Variants in ZNF875 observed in about 807,000 individuals in gnomAD.
The protein encoded by ZNF875 is zinc finger protein 875, also known as HKR1, GLI-Kruppel zinc finger family member.
ZNF875 carries 14 observed loss-of-function variants against 11.2 expected under a neutral mutation model. The ratio of observed to expected loss-of-function variants is 1.26; its 90% CI spans 0.83 to 1.96. ZNF875 has a LOEUF of 1.96. ZNF875 is among the 30% of genes most tolerant of loss of function. ZNF875 has a pLI of 0.00. For synonymous variants in ZNF875, 301 were observed against 281.1 expected, an observed-to-expected ratio of 1.07 and a Z score of -0.71; for missense variants, 752 against 760.4, an observed-to-expected ratio of 0.99 and a Z score of 0.13.
chr19:37,336,464 T>C (rs1333631147), intron 2 of ZNF875, among the ~76,000 whole-genome samples: 1 of 151,062 alleles, frequency 6.6e-6, no homozygotes, highest in Non-Finnish European at 1.5e-5. Context: ...CATGCCAGGC[T>C]AATTTTTTGT....
At position 37,340,897 on chromosome 19, in the gene ZNF875, C is replaced by T. The variant is rs1568597877; in HGVS notation, c.33+5640C>T. On this transcript the variant is annotated intron_variant, in intron 2 of 4. Coordinates refer to ENST00000392153, the MANE Select transcript of ZNF875 (RefSeq NM_001353803.2). ...TCTCCTGACCTCATGATCTATCCAC[C>T]TCGGCCTCCCAAAGTCCTGGGATTA... 2.6e-5 allele frequency among the ~76,000 whole-genome samples: 4 copies of T among 152,100 alleles called. No individual in the cohort carries two copies. In the South Asian group the frequency reaches 6.2e-4, roughly 24 times the overall value.
At chr19:37,320,477 C>T (rs1475478871) in intron 1 of ZNF875, among the ~76,000 whole-genome samples, 1 of 152,222 alleles carries the variant, frequency 6.6e-6, no homozygotes, top group Non-Finnish European at 1.5e-5. Context: ...GTTAAAGTGG[C>T]TGTTACAGAC....
At chr19:37,338,036 T>A (rs1480633799) in intron 2 of ZNF875, among the ~76,000 whole-genome samples, 2 of 152,230 alleles carry the variant, frequency 1.3e-5, no homozygotes, top group Non-Finnish European at 2.9e-5. Context: ...CTAAAATAGT[T>A]AATTCATTTG....
At chr19:37,343,386 CCAAA>C (rs1194691838) in intron 2 of ZNF875, among the ~76,000 whole-genome samples, 2 of 139,964 alleles carry the variant, frequency 1.4e-5, no homozygotes, top group Non-Finnish European at 3.1e-5. Context: ...AAAAAAAAAA[CCAAA>C]CAAACTTAGC....
At chr19:37,342,569 C>T (rs1294711996) in intron 2 of ZNF875, among the ~76,000 whole-genome samples, 2 of 152,092 alleles carry the variant, frequency 1.3e-5, no homozygotes, top group East Asian at 3.9e-4. Context: ...TGCGCCACCA[C>T]ACCTGGGTAA....
At chr19:37,334,424 GCAGATCTCATTGGTTTA>G (rs1457115357), upstream of ZNF875, among the ~76,000 whole-genome samples, 3 of 152,352 alleles carry the variant, frequency 2.0e-5, no homozygotes, top group East Asian at 5.8e-4. Flanking sequence ...TTCGCGGTCA[GCAGATCTCATTGGTTTA>G]CAGAGAAACT....
At chr19:37,332,921 G>C (rs1314792840), upstream of ZNF875, among the ~76,000 whole-genome samples, 2 of 152,154 alleles carry the variant, frequency 1.3e-5, no homozygotes, top group African/African-American at 4.8e-5. Context: ...GGGTAACTCA[G>C]GTGAGAGTGT....
intron 4 of ZNF875, among the ~76,000 whole-genome samples, chr19:37,325,376 C>G (rs1178818756): frequency 6.6e-6 from 1 of 152,050 alleles, no homozygotes; most frequent in East Asian, 1.9e-4. Flanking sequence ...CAGTGCTTTC[C>G]AATAGAAATA....
At chr19:37,321,585 T>C (rs944500160) in intron 1 of ZNF875, among the ~76,000 whole-genome samples, 9 of 152,072 alleles carry the variant, frequency 5.9e-5, no homozygotes, top group African/African-American at 2.2e-4. Context: ...CACTTTTCTT[T>C]CTCTATACTT....
In ZNF875 at chr19:37,363,768, C is replaced by T; in HGVS notation, c.1916C>T (p.Ser639Leu). The change falls in exon 5 of 5, where the codon TCA becomes TTA. Residue 639 changes from serine (S) to leucine (L), a missense_variant. By Grantham distance (145) the Ser-to-Leu change is moderately radical (BLOSUM62 -2). Transcript: ENST00000392153. ...SNLIRHQRTH[S>L]G Reference sequence around the variant, plus strand: ...CTTATCAGACATCAGAGGACACACTCAGGATAGAAACTTTATGTGTATAGG... The same window carrying T: ...CTTATCAGACATCAGAGGACACACTTAGGATAGAAACTTTATGTGTATAGG... The T allele has an allele frequency of 6.2e-7, 1 of 1,613,480 alleles. No homozygotes were observed. The highest frequency in any genetic ancestry group is 8.5e-7 in the Non-Finnish European group (1 of 1,179,548).
chr19:37,350,756 C>T (rs1464147585), intron 4 of ZNF875, among the ~76,000 whole-genome samples: 1 of 150,578 alleles, frequency 6.6e-6, no homozygotes, highest in Admixed American at 6.6e-5. Context: ...ATCTTAACCC[C>T]TGGCAACTAC....
At chr19:37,318,355 T>TA (rs577433818) in intron 1 of ZNF875, among the ~76,000 whole-genome samples, 85 of 152,090 alleles carry the variant, frequency 5.6e-4, no homozygotes, top group African/African-American at 1.5e-3. Flanking sequence ...CCCCAACCTT[T>TA]AAAAAAAATC....
intron 4 of ZNF875, among the ~76,000 whole-genome samples, chr19:37,359,946 A>G (rs1444401722): frequency 6.6e-6 from 1 of 152,100 alleles, no homozygotes; most frequent in Admixed American, 6.5e-5. Context: ...AGTTTAACTT[A>G]CCAATTTTTA....
At chr19:37,314,623 G>A (rs558443719), upstream of ZNF875, among the ~76,000 whole-genome samples, 1 of 152,002 alleles carries the variant, frequency 6.6e-6, no homozygotes, top group Non-Finnish European at 1.5e-5. Flanking sequence ...TCAGAAGTTC[G>A]AGAGCATTCT....
chr19:37,336,268 T>C (rs2034385239), intron 2 of ZNF875, among the ~76,000 whole-genome samples: 1 of 150,092 alleles, frequency 6.7e-6, no homozygotes, highest in Non-Finnish European at 1.5e-5. Flanking sequence ...GGAAGGATTA[T>C]GGTGGCCAGT....
upstream of ZNF875, chr19:37,313,269 T>C (rs1378896710): frequency 6.6e-6 from 1 of 151,188 alleles, no homozygotes; most frequent in African/African-American, 2.4e-5. Context: ...AACCCACCTT[T>C]CACGAGAGGA....
rs754110975 is a variant in ZNF875 at position 37,362,929 on chromosome 19, G to A, written c.1077G>A (p.Ala359=). ...LKSNLITHQR[A]HTGEKPYVCR... is the part of the protein sequence containing the mutation. ...CAAACCTCATTACCCACCAGAGGGC[G>A]CACACTGGGGAGAAGCCTTATGTTT... The change falls in exon 5 of 5, where the codon GCG becomes GCA. Residue 359 remains alanine, a synonymous_variant. Coordinates refer to ENST00000392153, the MANE Select transcript of ZNF875 (RefSeq NM_001353803.2). 14 of 1,610,904 alleles carry A rather than the reference G, an allele frequency of 8.7e-6. No homozygotes were observed. Among genetic ancestry groups the A allele is most frequent in the African/African-American group, 1.4e-5 (1 of 73,778 alleles).
chr19:37,327,244 C>T (rs145904584), intron 4 of ZNF875, among the ~76,000 whole-genome samples: 3,766 of 151,920 alleles, frequency 0.025, 83 homozygotes, highest in East Asian at 0.077. Flanking sequence ...CCGCCCACCT[C>T]GGCCTCCCAA....
At chr19:37,354,275 C>CCTCCCCTCCT (rs2038508378) in intron 4 of ZNF875, among the ~76,000 whole-genome samples, 1 of 114,156 alleles carries the variant, frequency 8.8e-6, no homozygotes, top group Non-Finnish European at 1.8e-5. Flanking sequence ...CCTCCCCTCC[C>CCTCCCCTCCT]CTCCCCTCCT....
Sources: gnomAD v4.1 joint callset for allele counts (sites outside exome capture counted in the v4.1 genomes callset) on GRCh38, gnomAD v4.1.1 for gene constraint, MANE v1.5 for transcripts, NCBI Gene and HGNC (gene_info 2026-07-23, HGNC 2026-07-21) for gene names.